The following GMPS variants were observed in gnomAD, a reference collection of about 807,000 sequenced individuals.
GMPS encodes the protein GMP synthase [glutamine-hydrolyzing].
Under a neutral mutation model 77.9 loss-of-function variants are expected in GMPS, and 15 were observed. The observed-to-expected ratio is 0.19, with a 90% confidence interval of 0.13 to 0.30. The LOEUF (loss-of-function observed/expected upper bound fraction) is 0.30. GMPS is among the 10% of genes least tolerant of loss of function. The pLI is 1.00. For missense variants in GMPS, 590 were observed against 838.8 expected (o/e 0.70, Z 3.66); for synonymous variants, 224 against 275.9 (o/e 0.81, Z 1.86).
intron 13 of GMPS, among the ~76,000 whole-genome samples, chr3:155,932,234 G>A (rs1755641818): frequency 6.6e-6 from 1 of 150,788 alleles, no homozygotes; most frequent in South Asian, 2.1e-4. Context: ...ATTCCAGAAG[G>A]ATTGAAAAAA....
At chr3:155,883,054 ATTAC>A (rs1198501499) in intron 1 of GMPS, among the ~76,000 whole-genome samples, 1 of 152,214 alleles carries the variant, frequency 6.6e-6, no homozygotes, top group East Asian at 1.9e-4. Flanking sequence ...GTGACACTCT[ATTAC>A]TTGAAGTTTA....
At chr3:155,930,807 T>A (rs1177450970) in intron 12 of GMPS, among the ~76,000 whole-genome samples, 1 of 152,176 alleles carries the variant, frequency 6.6e-6, no homozygotes, top group East Asian at 1.9e-4. Flanking sequence ...GTCTGCCAAA[T>A]TATAATTTTT....
At chr3:155,907,408 C>G (rs1560044607) in intron 5 of GMPS, among the ~76,000 whole-genome samples, 1 of 151,910 alleles carries the variant, frequency 6.6e-6, no homozygotes, top group East Asian at 1.9e-4. Context: ...ATAGTGAGAC[C>G]CCATCTCTAC....
chr3:155,871,115 G>C (rs958942170), intron 1 of GMPS, among the ~76,000 whole-genome samples: 2 of 152,080 alleles, frequency 1.3e-5, no homozygotes, highest in Non-Finnish European at 2.9e-5. Context: ...GCGTGTCGAG[G>C]TCCGGGCGTC....
chr3:155,881,117 C>T (rs1466783328), intron 1 of GMPS, among the ~76,000 whole-genome samples: 1 of 144,212 alleles, frequency 6.9e-6, no homozygotes, highest in Admixed American at 7.1e-5. Context: ...GATGTTTTGA[C>T]AAAGTATGTT....
intron 7 of GMPS, among the ~76,000 whole-genome samples, chr3:155,912,814 C>G (rs1755074796): frequency 6.6e-6 from 1 of 152,108 alleles, no homozygotes; most frequent in African/African-American, 2.4e-5. Context: ...CTGATTTGTG[C>G]TGTAGACTTC....
At chr3:155,903,381 A>G (rs1754779204) in intron 3 of GMPS, among the ~76,000 whole-genome samples, 1 of 152,238 alleles carries the variant, frequency 6.6e-6, no homozygotes, top group Non-Finnish European at 1.5e-5. Flanking sequence ...TCTCTATAGC[A>G]CAGCCTTCGG....
At chr3:155,908,973 T>C (rs1754964009) in intron 5 of GMPS, among the ~76,000 whole-genome samples, 1 of 152,078 alleles carries the variant, frequency 6.6e-6, no homozygotes, top group African/African-American at 2.4e-5. Context: ...GTAACTTCCA[T>C]GTGTAGAGGT....
chr3:155,870,664 T>A lies in GMPS; in HGVS notation c.-207T>A, dbSNP rs1753880201. 8.1e-6 allele frequency: 4 copies of A among 494,336 alleles called. No individual in the cohort carries two copies. The highest frequency in any genetic ancestry group is 1.1e-5 in the Non-Finnish European group (3 of 278,228). 30.6% of individuals were successfully genotyped at this position (494,336 alleles called of 1,614,324 possible). ...GAGGCGGGGGCAGCGTGCGCGCTGC[T>A]GGTCTTCTCTCCCGCGGCGCTGGGG... is the stretch of plus-strand genomic sequence containing the variant. On this transcript the variant is annotated 5_prime_UTR_variant, in exon 1 of 16. Transcript: ENST00000496455.
chr3:155,878,180 T>C (rs1328222114), intron 1 of GMPS, among the ~76,000 whole-genome samples: 1 of 152,158 alleles, frequency 6.6e-6, no homozygotes, highest in Non-Finnish European at 1.5e-5. Flanking sequence ...ACATTGGTGA[T>C]TAGGTTTCAA....
At chr3:155,901,254 C>T (rs949432126) in intron 3 of GMPS, among the ~76,000 whole-genome samples, 9 of 151,602 alleles carry the variant, frequency 5.9e-5, no homozygotes, top group Non-Finnish European at 8.8e-5. Context: ...TTAGTTTTGC[C>T]GATTGACCTA....
At chr3:155,930,284 T>C (rs1267801992) in intron 12 of GMPS, among the ~76,000 whole-genome samples, 3 of 148,594 alleles carry the variant, frequency 2.0e-5, no homozygotes, top group African/African-American at 7.5e-5. Flanking sequence ...TAATAAACGG[T>C]GCTGGGAAAA....
rs778899893 is a variant in GMPS at position 155,893,570 on chromosome 3, C to T, written c.80C>T (p.Ala27Val). 3.7e-6 allele frequency: 6 copies of T among 1,612,272 alleles called. No individual in the cohort carries two copies. The highest frequency in any genetic ancestry group is 5.1e-6 in the Non-Finnish European group (6 of 1,178,606). ...GATGGCCACCACCACTATGAAGGAG[C>T]TGTTGTCATTCTGGATGCTGGTGCT... ...LKDGHHHYEGAVVILDAGAQY... is the reference protein window; with the variant it reads ...LKDGHHHYEGVVVILDAGAQY... Residue 27 changes from alanine to valine, a missense_variant, in exon 2 of 16, where the codon GCT (alanine) becomes GTT (valine). Physicochemically the swap from Ala to Val is moderately conservative, Grantham distance 64 (BLOSUM62 0). Around this residue, in one of 6 missense-constraint regions of GMPS, gnomAD observed 47 missense variants for 45.5 expected, o/e 1.03. Transcript: ENST00000496455.
At position 155,937,668 on chromosome 3, in the gene GMPS, C is replaced by G; in HGVS notation, c.2058C>G (p.Pro686=). 2 of 1,383,216 alleles carry G rather than the reference C, an allele frequency of 1.4e-6. No homozygotes were observed. The highest frequency in any genetic ancestry group is 2.1e-6 in the Non-Finnish European group (2 of 969,842). The allele number at this position is 1,383,216 out of a possible 1,614,324, so 85.7% of individuals were successfully genotyped here. The change falls in exon 16 of 16, where the codon CCC becomes CCG. Residue 686 remains proline (P), a synonymous_variant. Transcript: ENST00000496455. ...SRIMYDLTSK[P]PGTTEWE is the part of the protein sequence containing the mutation. ...TTATGTATGACTTAACATCAAAGCCCCCAGGAACTACTGAGTGGGAGTAAT... is the reference window on the plus strand; with the variant it reads ...TTATGTATGACTTAACATCAAAGCCGCCAGGAACTACTGAGTGGGAGTAAT...
At position 155,941,042 on chromosome 3, in the gene GMPS, A is replaced by T. The variant is rs1755875346; in HGVS notation, c.*3350A>T. The T allele has an allele frequency of 1.0e-5, 2 of 193,880 alleles. No homozygotes were observed. The highest frequency in any genetic ancestry group is 1.6e-4 in the East Asian group (2 of 12,374). 12.0% of individuals were successfully genotyped at this position (193,880 alleles called of 1,614,324 possible). A position where few individuals can be genotyped will look rare whatever the true frequency, so the allele number is the denominator to read the frequency against. On this transcript the variant is annotated 3_prime_UTR_variant, in exon 16 of 16. Coordinates refer to ENST00000496455, the MANE Select transcript of GMPS (RefSeq NM_003875.3). ...CAGCTAATTGTTGGGAGCTAGAGCT[A>T]GAATCCAAGCTTTCTGATTCTCTGC...
chr3:155,942,092 T>C lies in GMPS; in HGVS notation c.*4400T>C. On this transcript the variant is annotated 3_prime_UTR_variant, in exon 16 of 16. Coordinates refer to ENST00000496455, the MANE Select transcript of GMPS (RefSeq NM_003875.3). ...GGAGGTAGAACTCAAGCATTTACAG[T>C]TTTGTTTTGTTTTTTTTTTAAGACA... The C allele has an allele frequency of 5.1e-6, 1 of 195,316 alleles. No homozygotes were observed. The highest frequency in any genetic ancestry group is 1.9e-4 in the South Asian group (1 of 5,196). 12.1% of individuals were successfully genotyped at this position (195,316 alleles called of 1,614,324 possible). A position where few individuals can be genotyped will look rare whatever the true frequency, so the allele number is the denominator to read the frequency against.
chr3:155,870,985 C>T (rs1753890603), intron 1 of GMPS, 88 bp downstream of exon 1: 7 of 1,231,698 alleles, frequency 5.7e-6, no homozygotes, highest in Non-Finnish European at 7.4e-6. Context: ...CTTCCCCACC[C>T]CCTTCCCCCA....
At chr3:155,931,707 A>G (rs1755626549) in intron 12 of GMPS, 58 bp from the exon 13 acceptor site, 3 of 647,598 alleles carry the variant, frequency 4.6e-6, no homozygotes, top group Admixed American at 2.6e-5. Flanking sequence ...AGCTTTGTCA[A>G]GTTAAACTGG....
chr3:155,915,555 C>G (rs1755158087), intron 8 of GMPS, among the ~76,000 whole-genome samples: 1 of 152,196 alleles, frequency 6.6e-6, no homozygotes, highest in African/African-American at 2.4e-5. Flanking sequence ...GCGTGTGCCA[C>G]CATGCCCGGC....
Sources: gnomAD v4.1 joint callset for allele counts (sites outside exome capture counted in the v4.1 genomes callset) on GRCh38, gnomAD v4.1.1 for gene constraint, gnomAD v4.1.1 regional missense constraint, MANE v1.5 for transcripts, NCBI Gene and HGNC (gene_info 2026-07-23, HGNC 2026-07-21) for gene names.